Variants in SPAG16 observed in about 807,000 individuals in gnomAD.
SPAG16 encodes sperm-associated antigen 16 protein.
Under a neutral mutation model 80.4 loss-of-function variants are expected in SPAG16, and 86 were observed. The observed-to-expected ratio is 1.07, with a 90% CI of 0.90 to 1.28. SPAG16 has a LOEUF of 1.28. Among genes scored for constraint, SPAG16 ranks in the 50% most tolerant of loss-of-function variants. The pLI is 0.00. For missense variants in SPAG16, 870 were observed against 765.3 expected, an observed-to-expected ratio of 1.14 and a Z score of -1.61; for synonymous variants, 294 against 265.9, an observed-to-expected ratio of 1.11 and a Z score of -1.03.
At chr2:213,443,127 TA>T (rs1559137997) in intron 9 of SPAG16, among the ~76,000 whole-genome samples, 9 of 152,334 alleles carry the variant, frequency 5.9e-5, no homozygotes, top group Admixed American at 5.2e-4. Context: ...TAAAGAATTT[TA>T]ATCTGTCCAG....
intron 12 of SPAG16, among the ~76,000 whole-genome samples, chr2:213,951,873 T>C (rs1428099145): frequency 3.9e-5 from 6 of 152,122 alleles, no homozygotes; most frequent in African/African-American, 1.4e-4. Flanking sequence ...TAAAACCAAA[T>C]ATTAAAAACA....
chr2:213,616,927 A>G (rs975600141), intron 10 of SPAG16, among the ~76,000 whole-genome samples: 3 of 152,180 alleles, frequency 2.0e-5, no homozygotes, highest in African/African-American at 4.8e-5. Context: ...CTAGGAAGCA[A>G]GAACCACAAC....
At chr2:214,017,426 A>C (rs577190816) in intron 13 of SPAG16, among the ~76,000 whole-genome samples, 1 of 152,304 alleles carries the variant, frequency 6.6e-6, no homozygotes, top group South Asian at 2.1e-4. Flanking sequence ...CCTAAATTCT[A>C]TTGACTTCAA....
chr2:214,065,013 C>T (rs2050465650), intron 13 of SPAG16, among the ~76,000 whole-genome samples: 1 of 151,838 alleles, frequency 6.6e-6, no homozygotes, highest in African/African-American at 2.4e-5. Flanking sequence ...TGTATTTCTA[C>T]TGTGCTAAGA....
At chr2:213,787,009 G>A (rs1478331480) in intron 10 of SPAG16, among the ~76,000 whole-genome samples, 1 of 152,108 alleles carries the variant, frequency 6.6e-6, no homozygotes, top group Non-Finnish European at 1.5e-5. Context: ...ACATTTTTGT[G>A]TGAAAGGTCT....
intron 10 of SPAG16, among the ~76,000 whole-genome samples, chr2:213,839,796 G>T (rs1000003027): frequency 6.6e-6 from 1 of 152,072 alleles, no homozygotes; most frequent in Admixed American, 6.6e-5. Context: ...CAATCCTATA[G>T]TGGGGAATTA....
chr2:214,032,716 T>C (rs1329105640), intron 13 of SPAG16, among the ~76,000 whole-genome samples: 1 of 152,120 alleles, frequency 6.6e-6, no homozygotes, highest in Non-Finnish European at 1.5e-5. Flanking sequence ...AAAAGAAGAA[T>C]TTGGAAAAGA....
chr2:213,837,517 C>G (rs547846885), intron 10 of SPAG16, among the ~76,000 whole-genome samples: 9 of 152,342 alleles, frequency 5.9e-5, no homozygotes, highest in African/African-American at 1.9e-4. Flanking sequence ...TTCTTTCTTA[C>G]AGCCCCGGTA....
At chr2:213,535,424 C>G (rs75825863) in intron 10 of SPAG16, among the ~76,000 whole-genome samples, 3 of 152,094 alleles carry the variant, frequency 2.0e-5, no homozygotes, top group African/African-American at 7.2e-5. Flanking sequence ...CTTCTAGAGA[C>G]GGAAATCATG....
intron 9 of SPAG16, among the ~76,000 whole-genome samples, chr2:213,409,425 T>C (rs1469517069): frequency 1.3e-5 from 2 of 152,194 alleles, no homozygotes; most frequent in Non-Finnish European, 2.9e-5. Context: ...TTTAAGCAAG[T>C]TGTAAAACGT....
At chr2:213,299,633 G>A (rs1294549410) in intron 3 of SPAG16, among the ~76,000 whole-genome samples, 1 of 151,962 alleles carries the variant, frequency 6.6e-6, no homozygotes, top group Non-Finnish European at 1.5e-5. Context: ...TTTGAGAATT[G>A]ATTGCATGGT....
chr2:213,862,517 T>A lies in SPAG16; in HGVS notation c.1103T>A (p.Val368Asp), dbSNP rs138546740. 173 of 1,614,020 alleles carry A rather than the reference T, an allele frequency of 1.1e-4. No homozygotes were observed. Among genetic ancestry groups the A allele is most frequent in the Non-Finnish European group, 1.4e-4 (171 of 1,180,004 alleles). The change falls in exon 11 of 16, where the codon GTC becomes GAC. Residue 368 changes from valine to aspartate, a missense_variant. Physicochemically the swap from Val to Asp is radical, Grantham distance 152. Transcript: ENST00000331683. ...VSMQPHKDIL[V>D]SCGEDRLWKV... ...ATGCAACCCCACAAAGACATCCTAG[T>A]CTCCTGTGGCGAGGACCGACTCTGG...
At chr2:214,281,079 A>C in intron 15 of SPAG16, 1 of 381,140 alleles carries the variant, frequency 2.6e-6, no homozygotes, top group Non-Finnish European at 5.1e-6. Context: ...CAAGGCCTTC[A>C]TCTCCAGTCA....
chr2:213,730,198 G>A (rs2066968923), intron 10 of SPAG16, among the ~76,000 whole-genome samples: 1 of 152,148 alleles, frequency 6.6e-6, no homozygotes, highest in Non-Finnish European at 1.5e-5. Flanking sequence ...AAAAGACATT[G>A]AGTCAATCTC....
At chr2:213,528,819 G>T (rs1301589668) in intron 10 of SPAG16, among the ~76,000 whole-genome samples, 5 of 152,130 alleles carry the variant, frequency 3.3e-5, no homozygotes, top group African/African-American at 4.8e-5. Flanking sequence ...TTTTACAAAG[G>T]TTTACGAATT....
chr2:213,498,592 A>T (rs1385883807), intron 10 of SPAG16, among the ~76,000 whole-genome samples: 5 of 152,122 alleles, frequency 3.3e-5, no homozygotes, highest in Non-Finnish European at 7.4e-5. Context: ...AGCTGCAATG[A>T]CTGTTAATTC....
At chr2:214,109,366 G>T (rs2053556075) in intron 14 of SPAG16, among the ~76,000 whole-genome samples, 1 of 152,096 alleles carries the variant, frequency 6.6e-6, no homozygotes, top group Non-Finnish European at 1.5e-5. Context: ...GACCTCTCAG[G>T]TTCATTTAAA....
chr2:213,623,460 G>T (rs1407090690), intron 10 of SPAG16, among the ~76,000 whole-genome samples: 1 of 151,956 alleles, frequency 6.6e-6, no homozygotes, highest in African/African-American at 2.4e-5. Context: ...AAGTAGTCAG[G>T]ATTTTCTTTT....
intron 15 of SPAG16, among the ~76,000 whole-genome samples, chr2:214,216,334 C>T (rs571368577): frequency 8.8e-5 from 13 of 147,942 alleles, no homozygotes; most frequent in African/African-American, 1.9e-4. Context: ...ATGATGATGA[C>T]GATGATGAGA....
Sources: allele counts gnomAD v4.1 joint callset (sites outside exome capture counted in the v4.1 genomes callset), GRCh38; gene constraint gnomAD v4.1.1; transcripts MANE v1.5; gene names NCBI Gene and HGNC (gene_info 2026-07-23, HGNC 2026-07-21).